BRD10: variants seen among roughly 807,000 people sequenced by gnomAD.
BRD10 encodes the protein uncharacterized bromodomain-containing protein 10.
the BRD10 span, chr9:5,924,732 G>A: frequency 5.0e-6 from 8 of 1,606,034 alleles, no homozygotes; most frequent in East Asian, 1.3e-4. Context: ...TTCTCCCTTA[G>A]GAGAGTCTTT....
the BRD10 span, among the ~76,000 whole-genome samples, chr9:5,973,428 C>G: frequency 6.6e-6 from 1 of 152,196 alleles, no homozygotes; most frequent in Non-Finnish European, 1.5e-5. Flanking sequence ...GATCACACCA[C>G]TGCACTCCAG....
chr9:5,971,650 A>T, the BRD10 span, among the ~76,000 whole-genome samples: 3 of 152,218 alleles, frequency 2.0e-5, no homozygotes, highest in African/African-American at 7.2e-5. Flanking sequence ...TTTATATATT[A>T]CATTTGAGTA....
the BRD10 span, chr9:5,954,023 T>G: frequency 6.4e-7 from 1 of 1,556,736 alleles, no homozygotes; most frequent in Non-Finnish European, 8.7e-7. Flanking sequence ...TACCTGAAAC[T>G]CTGGTACAGT....
chr9:6,007,687 G>A, the BRD10 span: 8 of 1,609,110 alleles, frequency 5.0e-6, no homozygotes, highest in African/African-American at 1.3e-5. Flanking sequence ...CTGGGCCGCC[G>A]CTGCCACCTC....
the BRD10 span, among the ~76,000 whole-genome samples, chr9:5,882,958 A>G: frequency 6.6e-6 from 1 of 152,154 alleles, no homozygotes; most frequent in African/African-American, 2.4e-5. Context: ...GAATTGAACA[A>G]TGAGAACACT....
At chr9:5,959,859 C>T in the BRD10 span, among the ~76,000 whole-genome samples, 1 of 152,184 alleles carries the variant, frequency 6.6e-6, no homozygotes, top group African/African-American at 2.4e-5. Context: ...CATAGTACCA[C>T]ATGCTTAGAA....
the BRD10 span, among the ~76,000 whole-genome samples, chr9:5,967,763 C>T: frequency 1.3e-4 from 19 of 141,380 alleles, no homozygotes; most frequent in Non-Finnish European, 2.6e-4. Flanking sequence ...AAGGTAAAAA[C>T]ATAATGTCCA....
At chr9:5,915,345 G>A in the BRD10 span, among the ~76,000 whole-genome samples, 1 of 152,158 alleles carries the variant, frequency 6.6e-6, no homozygotes, top group East Asian at 1.9e-4. Flanking sequence ...CTATGTGGTA[G>A]GCACCGGGCT....
the BRD10 span, chr9:5,924,519 T>C: frequency 2.1e-6 from 1 of 473,498 alleles, no homozygotes; most frequent in Non-Finnish European, 3.6e-6. Flanking sequence ...TATAAGGATG[T>C]GGACACTACT....
chr9:5,946,816 T>G, the BRD10 span, among the ~76,000 whole-genome samples: 4 of 152,018 alleles, frequency 2.6e-5, no homozygotes, highest in African/African-American at 9.7e-5. Context: ...TGAAGACATA[T>G]ACCCCTAGAA....
the BRD10 span, among the ~76,000 whole-genome samples, chr9:5,954,998 G>C: frequency 1.3e-5 from 2 of 152,036 alleles, no homozygotes; most frequent in African/African-American, 2.4e-5. Flanking sequence ...TGAGACAGGA[G>C]AATCATGTGA....
the BRD10 span, among the ~76,000 whole-genome samples, chr9:5,916,426 C>A: frequency 1.3e-5 from 2 of 151,654 alleles, no homozygotes; most frequent in Non-Finnish European, 1.5e-5. Context: ...TTAAATACAC[C>A]AATAAAATTG....
chr9:5,936,943 G>A, the BRD10 span, among the ~76,000 whole-genome samples: 1 of 152,040 alleles, frequency 6.6e-6, no homozygotes, highest in Non-Finnish European at 1.5e-5. Flanking sequence ...ATTGAAAAAG[G>A]TTTAGGCCAG....
chr9:5,949,436 C>T, the BRD10 span, among the ~76,000 whole-genome samples: 1 of 152,150 alleles, frequency 6.6e-6, no homozygotes, highest in African/African-American at 2.4e-5. Context: ...TGTTATGTTG[C>T]AGTACTTTAT....
At chr9:5,920,755 G>A in the BRD10 span, 3 of 1,613,936 alleles carry the variant, frequency 1.9e-6, no homozygotes, top group Non-Finnish European at 1.7e-6. Flanking sequence ...GTGTAGGTAA[G>A]GCAACCGTAA....
chr9:5,918,406 G>T, the BRD10 span, among the ~76,000 whole-genome samples: 1 of 152,092 alleles, frequency 6.6e-6, no homozygotes, highest in East Asian at 1.9e-4. Context: ...AAATATAAAA[G>T]CTACCTTTTA....
At chr9:5,919,971 A>C in the BRD10 span, 2 of 1,614,004 alleles carry the variant, frequency 1.2e-6, no homozygotes, top group Non-Finnish European at 8.5e-7. Flanking sequence ...GTAGCTGGAG[A>C]CTTAATTACT....
the BRD10 span, among the ~76,000 whole-genome samples, chr9:5,882,549 C>T: frequency 1.3e-5 from 2 of 152,196 alleles, no homozygotes; most frequent in African/African-American, 4.8e-5. Context: ...GCCATCACAA[C>T]CTTACACAAA....
At chr9:5,941,232 A>G in the BRD10 span, among the ~76,000 whole-genome samples, 8 of 152,322 alleles carry the variant, frequency 5.3e-5, no homozygotes, top group South Asian at 1.7e-3. Context: ...AAAGTTATCA[A>G]TATCTTAGCT....
Sources: gnomAD v4.1 joint callset for allele counts (sites outside exome capture counted in the v4.1 genomes callset) on GRCh38, gnomAD v4.1.1 for gene constraint, MANE v1.5 for transcripts, NCBI Gene and HGNC (gene_info 2026-07-23, HGNC 2026-07-21) for gene names.